Variants in TSKS observed in about 807,000 individuals in gnomAD.
TSKS encodes testis specific serine kinase substrate, also known as testis-specific serine kinase substrate.
A neutral mutation model predicts 68.0 loss-of-function variants in TSKS; 27 were observed. The ratio of observed to expected loss-of-function variants is 0.40; its 90% CI spans 0.29 to 0.55. The LOEUF is 0.55. Ranked by LOEUF, TSKS falls within the 20% of genes least tolerant of loss-of-function variation. TSKS has a pLI of 0.53. For synonymous variants in TSKS, 331 were observed against 340.4 expected (o/e 0.97, Z 0.30); for missense variants, 806 against 776.0 (o/e 1.04, Z -0.46).
chr19:49,746,549 T>C lies in TSKS; in HGVS notation c.913A>G (p.Met305Val). The C allele has an allele frequency of 6.2e-7, 1 of 1,613,514 alleles. No homozygotes were observed. Among genetic ancestry groups the C allele is most frequent in the Non-Finnish European group, 8.5e-7 (1 of 1,179,858 alleles). Reference sequence around the variant, plus strand: ...GGGCCCTCGCCAGCCCGAGGCCCCATTCCCCAGCCTGCGGGGACCAGGCCG... The same window carrying C: ...GGGCCCTCGCCAGCCCGAGGCCCCACTCCCCAGCCTGCGGGGACCAGGCCG... ...PHGLVPAGWG[M>V]GPRAGEGPYV... The change falls in exon 6 of 11, where the codon ATG becomes GTG. Residue 305 changes from methionine (M) to valine (V), a missense_variant. By Grantham distance (21) the Met-to-Val change is conservative (BLOSUM62 1). Coordinates refer to ENST00000246801, the MANE Select transcript of TSKS (RefSeq NM_021733.2).
intron 8 of TSKS, among the ~76,000 whole-genome samples, chr19:49,743,840 G>C (rs1160431281): frequency 6.6e-6 from 1 of 151,164 alleles, no homozygotes; most frequent in African/African-American, 2.4e-5. Flanking sequence ...CTGAGTAGCT[G>C]GGATTACAGG....
At chr19:49,749,066 A>G (rs2084327084) in intron 2 of TSKS, among the ~76,000 whole-genome samples, 1 of 147,164 alleles carries the variant, frequency 6.8e-6, no homozygotes, top group African/African-American at 2.5e-5. Flanking sequence ...CCGTCTAAAG[A>G]AAAAAAAAAG....
At chr19:49,753,452 C>T (rs780787674) in intron 2 of TSKS, among the ~76,000 whole-genome samples, 1 of 151,848 alleles carries the variant, frequency 6.6e-6, no homozygotes, top group African/African-American at 2.4e-5. Context: ...GTCCCAGCTA[C>T]TCGGGAAGCT....
intron 2 of TSKS, among the ~76,000 whole-genome samples, chr19:49,749,620 T>C (rs2084332296): frequency 6.6e-6 from 1 of 151,282 alleles, no homozygotes. Flanking sequence ...CAATTTATTT[T>C]TGGGGGAGGT....
chr19:49,752,672 C>T (rs1051835440), intron 2 of TSKS, among the ~76,000 whole-genome samples: 25 of 152,032 alleles, frequency 1.6e-4, no homozygotes, highest in African/African-American at 4.1e-4. Context: ...TTGCTACTGC[C>T]GAAGGCAATG....
intron 2 of TSKS, among the ~76,000 whole-genome samples, chr19:49,751,299 C>T (rs1165829062): frequency 1.2e-5 from 1 of 85,198 alleles, no homozygotes; most frequent in Non-Finnish European, 2.0e-5. Flanking sequence ...GAGATTCCAT[C>T]TCAAAAAAAA....
At chr19:49,748,714 G>C (rs1477249929) in intron 2 of TSKS, among the ~76,000 whole-genome samples, 1 of 152,136 alleles carries the variant, frequency 6.6e-6, no homozygotes, top group African/African-American at 2.4e-5. Flanking sequence ...AAGGGGGATG[G>C]AGGTGGGGTG....
In TSKS at chr19:49,747,391, C is replaced by G. The variant is rs768641207; in HGVS notation, c.661G>C (p.Glu221Gln). The change falls in exon 5 of 11, where the codon GAG becomes CAG. Residue 221 changes from glutamate to glutamine, a missense_variant and splice_region_variant. Glu to Gln is a conservative substitution (Grantham distance 29). Transcript: ENST00000246801. Reference protein sequence around the residue: ...NVLKQNSALLEEKLRYLQQQL... With the variant: ...NVLKQNSALLQEKLRYLQQQL... ...TGGGACTGCCCCCTAGCCCTTACCT[C>G]CAGCAGGGCAGAATTCTGCTTCAAG... 1.9e-5 allele frequency: 31 copies of G among 1,614,114 alleles called. No individual in the cohort carries two copies. The highest frequency in any genetic ancestry group is 8.3e-5 in the Admixed American group (5 of 60,010).
At chr19:49,759,934 T>C (rs971247590) in intron 2 of TSKS, among the ~76,000 whole-genome samples, 7 of 150,264 alleles carry the variant, frequency 4.7e-5, no homozygotes, top group Non-Finnish European at 1.0e-4. Flanking sequence ...TGGGCGGTCA[T>C]CTGAGGTCAG....
Position 49,763,300 on chromosome 19 carries a change from CTACT to C in TSKS, c.-57_-54del. 1 of 1,466,680 alleles carries C rather than the reference CTACT, an allele frequency of 6.8e-7. No individual in the cohort carries two copies. Among genetic ancestry groups the C allele is most frequent in the Non-Finnish European group, 9.0e-7 (1 of 1,115,986 alleles). 90.9% of individuals were successfully genotyped at this position (1,466,680 alleles called of 1,614,324 possible). On this transcript the variant is annotated 5_prime_UTR_variant, in exon 1 of 11. Coordinates refer to ENST00000246801, the MANE Select transcript of TSKS (RefSeq NM_021733.2). This position sits in a 1 kb window ranked among gnomAD's most constrained non-coding sequence, Gnocchi z 4.5. ...GGCTCCTTCCTCTGAGACTTCCTACCTACTGTGACCACAGACCCTCAGGATCCAC... is the reference window on the plus strand; with the variant it reads ...GGCTCCTTCCTCTGAGACTTCCTACCGTGACCACAGACCCTCAGGATCCAC...
In TSKS at chr19:49,740,104, G is replaced by A; in HGVS notation, c.1577C>T (p.Ala526Val). 5.0e-6 allele frequency: 8 copies of A among 1,614,158 alleles called. No homozygotes were observed. Among genetic ancestry groups the A allele is most frequent in the Non-Finnish European group, 6.8e-6 (8 of 1,180,040 alleles). The change falls in exon 10 of 11, where the codon GCC becomes GTC. Residue 526 changes from alanine (A) to valine (V), a missense_variant. Transcript: ENST00000246801. Reference protein sequence around the residue: ...SSTLRLAQDEALRAKNLLLTD... With the variant: ...SSTLRLAQDEVLRAKNLLLTD... ...CAGCAGTAGGTTCTTGGCCCGCAGG[G>A]CCTCGTCTTGGGCCAGCCGAAGGGT...
At chr19:49,759,218 C>G (rs961985814) in intron 2 of TSKS, among the ~76,000 whole-genome samples, 3 of 151,196 alleles carry the variant, frequency 2.0e-5, no homozygotes, top group African/African-American at 7.3e-5. Context: ...TGCCTGTAAT[C>G]CCAGCAGTTT....
At position 49,745,314 on chromosome 19, in the gene TSKS, C is replaced by G; in HGVS notation, c.1075G>C (p.Gly359Arg). Reference protein sequence around the residue: ...QEALRLLGGLGGRVDGFLGQW... With the variant: ...QEALRLLGGLRGRVDGFLGQW... The stretch of plus-strand genomic sequence containing the variant: ...CCTAGGAAGCCGTCGACCCTGCCGC[C>G]CAGGCCCCCGAGCAGCCGCAGGGCT... The change falls in exon 7 of 11, where the codon GGC becomes CGC. Residue 359 changes from glycine (G) to arginine (R), a missense_variant. By Grantham distance (125) the Gly-to-Arg change is moderately radical (BLOSUM62 -2). Coordinates refer to ENST00000246801, the MANE Select transcript of TSKS (RefSeq NM_021733.2). 1 of 1,604,130 alleles carries G rather than the reference C, an allele frequency of 6.2e-7. No individual in the cohort carries two copies. Among genetic ancestry groups the G allele is most frequent in the Non-Finnish European group, 8.5e-7 (1 of 1,179,198 alleles).
At chr19:49,753,395 A>G (rs1000249138) in intron 2 of TSKS, among the ~76,000 whole-genome samples, 1 of 151,980 alleles carries the variant, frequency 6.6e-6, no homozygotes, top group Non-Finnish European at 1.5e-5. Context: ...CCCCGTCTCT[A>G]CTAAAAAATA....
chr19:49,758,469 G>A lies in TSKS; in HGVS notation c.399+3535C>T, dbSNP rs533009366. Among the ~76,000 whole-genome samples, 6 of 152,312 alleles carry A rather than the reference G, an allele frequency of 3.9e-5. 1 individual carries two copies. The highest frequency in any genetic ancestry group is 1.4e-4 in the African/African-American group (6 of 41,568). On this transcript the variant is annotated intron_variant, in intron 2 of 10. Transcript: ENST00000246801. ...CCTGGGGTACTTTCTCAGGCTTCAC[G>A]ATCCAGTGGGGGATGTGACTCAGAA... is the stretch of plus-strand genomic sequence containing the variant.
chr19:49,743,642 C>T (rs2084271320), intron 8 of TSKS, among the ~76,000 whole-genome samples: 2 of 151,844 alleles, frequency 1.3e-5, no homozygotes, highest in Non-Finnish European at 2.9e-5. Flanking sequence ...GGACTACAGG[C>T]ACCCGCCACC....
rs780854060 is a variant in TSKS, at chr19:49,740,185, T to C, written c.1498-2A>G. The stretch of plus-strand genomic sequence containing the variant: ...GGCTAAGGCCTGGCGCTCCAGCTCC[T>C]GGGGAGAGGAGCGTAGGCGTAGCTG... On this transcript the variant is annotated splice_acceptor_variant, in intron 9 of 10. Coordinates refer to ENST00000246801, the MANE Select transcript of TSKS (RefSeq NM_021733.2). LOFTEE classifies it high-confidence loss of function. 3 of 1,611,086 alleles carry C rather than the reference T, an allele frequency of 1.9e-6. No homozygotes were observed. The highest frequency in any genetic ancestry group is 2.5e-6 in the Non-Finnish European group (3 of 1,179,322).
At chr19:49,746,412 C>A in intron 6 of TSKS, 58 bp downstream of exon 6, 1 of 1,597,264 alleles carries the variant, frequency 6.3e-7, no homozygotes, top group Admixed American at 1.7e-5. Context: ...CCTCGAGGCT[C>A]CACCCCTGAG....
chr19:49,742,961 C>T (rs1164926781), intron 8 of TSKS, among the ~76,000 whole-genome samples: 1 of 152,090 alleles, frequency 6.6e-6, no homozygotes, highest in African/African-American at 2.4e-5. Context: ...GTGTATCCCT[C>T]GGCTCTCACA....
Sources: allele counts gnomAD v4.1 joint callset (sites outside exome capture counted in the v4.1 genomes callset), GRCh38; gene constraint gnomAD v4.1.1; non-coding constraint Gnocchi (gnomAD v3.1); transcripts MANE v1.5; gene names NCBI Gene and HGNC (gene_info 2026-07-23, HGNC 2026-07-21).